Variants in ZFP90 observed in about 807,000 individuals in gnomAD.
ZFP90 encodes the protein ZFP90 zinc finger protein, also known as zinc finger protein 90 homolog.
Under a neutral mutation model 60.8 loss-of-function variants are expected in ZFP90, and 38 were observed. The observed-to-expected ratio is 0.62, with a 90% CI of 0.48 to 0.82. The LOEUF (loss-of-function observed/expected upper bound fraction) is 0.82. Among genes scored for constraint, ZFP90 ranks in the 40% least tolerant of loss-of-function variants. ZFP90 has a pLI of 0.00. For synonymous variants in ZFP90, 287 were observed against 264.8 expected, an observed-to-expected ratio of 1.08 and a Z score of -0.82; for missense variants, 711 against 759.1, an observed-to-expected ratio of 0.94 and a Z score of 0.74.
chr16:68,574,834 G>A (rs532827596), intron 2 of ZFP90, among the ~76,000 whole-genome samples: 7 of 149,586 alleles, frequency 4.7e-5, no homozygotes, highest in Non-Finnish European at 1.0e-4. Context: ...TGAGCCTGGA[G>A]AATTGCTTGA....
downstream of ZFP90, among the ~76,000 whole-genome samples, chr16:68,571,257 C>T (rs1167056187): frequency 6.6e-6 from 1 of 152,138 alleles, no homozygotes. Context: ...ATTTTAGAGG[C>T]ATTCCCAGAC....
intron 2 of ZFP90, among the ~76,000 whole-genome samples, chr16:68,575,263 C>T (rs1239379982): frequency 6.6e-6 from 1 of 152,210 alleles, no homozygotes; most frequent in Non-Finnish European, 1.5e-5. Context: ...GTGGCTGGGA[C>T]AGGCGTGCCT....
chr16:68,554,783 C>T (rs1386070518), intron 2 of ZFP90, among the ~76,000 whole-genome samples: 1 of 152,082 alleles, frequency 6.6e-6, no homozygotes, highest in Admixed American at 6.6e-5. Flanking sequence ...GAGACCCCAT[C>T]TCTATTAAAC....
At chr16:68,535,989 C>G (rs1028247490), upstream of ZFP90, among the ~76,000 whole-genome samples, 1 of 152,156 alleles carries the variant, frequency 6.6e-6, no homozygotes. Flanking sequence ...TGGGTGTGAG[C>G]TGAAGTTCTC....
At position 68,560,181 on chromosome 16, in the gene ZFP90, T is replaced by C. The variant is rs111343281; in HGVS notation, c.256+1613T>C. On this transcript the variant is annotated intron_variant, in intron 4 of 4. Coordinates refer to ENST00000563169, the MANE Select transcript of ZFP90 (RefSeq NM_001305203.2). ...CCCTTTAGAGCATAGAGGTCAGTGG[T>C]TTTTTCATATATTCAGATAGTTGTA... Among the ~76,000 whole-genome samples the C allele has an allele frequency of 5.1e-3, 775 of 152,200 alleles. 4 individuals are homozygous for C. Among genetic ancestry groups the C allele is most frequent in the African/African-American group, 0.018 (732 of 41,508 alleles).
chr16:68,573,789 CAAGA>C (rs898238572), intron 2 of ZFP90: 2 of 152,238 alleles, frequency 1.3e-5, no homozygotes, highest in African/African-American at 4.8e-5. Context: ...ACACACATGT[CAAGA>C]GAGCACCTCC....
intron 2 of ZFP90, among the ~76,000 whole-genome samples, chr16:68,574,952 A>T (rs1379450688): frequency 7.1e-6 from 1 of 140,374 alleles, no homozygotes; most frequent in Non-Finnish European, 1.6e-5. Context: ...AGTGGAAAAA[A>T]AAAGAGACAC....
At chr16:68,572,032 CTT>C (rs963602023), downstream of ZFP90, among the ~76,000 whole-genome samples, 1 of 151,268 alleles carries the variant, frequency 6.6e-6, no homozygotes, top group African/African-American at 2.4e-5. Flanking sequence ...TTAACAAACA[CTT>C]TTTTTTTGAG....
chr16:68,543,330 ATAT>A (rs2030356885), intron 2 of ZFP90, among the ~76,000 whole-genome samples: 1 of 152,116 alleles, frequency 6.6e-6, no homozygotes, highest in Non-Finnish European at 1.5e-5. Context: ...AAAAAGTTTG[ATAT>A]TATATTTGAT....
At chr16:68,560,769 G>A (rs1194442233) in intron 4 of ZFP90, among the ~76,000 whole-genome samples, 2 of 151,706 alleles carry the variant, frequency 1.3e-5, no homozygotes. Flanking sequence ...AACTGCTATT[G>A]GCCAGCCTGG....
exon 3 of ZFP90, chr16:68,575,891 G>A (rs576926282): frequency 5.0e-6 from 2 of 398,348 alleles, no homozygotes; most frequent in African/African-American, 4.1e-5. Context: ...AGCAAGAATG[G>A]CTAAGTAAGG....
chr16:68,557,259 C>A (rs757418136), intron 2 of ZFP90: 2 of 455,966 alleles, frequency 4.4e-6, no homozygotes, highest in Middle Eastern at 6.5e-4. Flanking sequence ...AGCGTTCTGC[C>A]GGCCTTGACC....
upstream of ZFP90, among the ~76,000 whole-genome samples, chr16:68,537,956 A>G (rs1223826076): frequency 2.6e-5 from 4 of 151,682 alleles, no homozygotes; most frequent in South Asian, 6.2e-4. Flanking sequence ...GTTGTTGCCC[A>G]GGTTGGAGTG....
chr16:68,535,134 A>G (rs2090951219), upstream of ZFP90, among the ~76,000 whole-genome samples: 1 of 152,128 alleles, frequency 6.6e-6, no homozygotes, highest in African/African-American at 2.4e-5. Context: ...GACTGAAGGT[A>G]AGTTCTCCCA....
At position 68,575,038 on chromosome 16, in the gene ZFP90, C is replaced by A. The variant is rs116509257; in HGVS notation, c.224-753C>A. ...AACTATCACCCCAGATGAAGACACC[C>A]TCAGGAAAATGTTGAACTGGGGAAA... On this transcript the variant is annotated intron_variant, in intron 2 of 2. Coordinates refer to the ZFP90 transcript ENST00000573113. Among the ~76,000 whole-genome samples, 774 of 152,192 alleles carry A rather than the reference C, an allele frequency of 5.1e-3. 3 individuals are homozygous for A. Among genetic ancestry groups the A allele is most frequent in the African/African-American group, 0.017 (702 of 41,512 alleles).
chr16:68,564,737 A>C lies in ZFP90; in HGVS notation c.*39A>C. On this transcript the variant is annotated 3_prime_UTR_variant, in exon 5 of 5. Coordinates refer to ENST00000563169, the MANE Select transcript of ZFP90 (RefSeq NM_001305203.2). ...AAGGAATTTGCAGAATGCTTTAGCTAAAATGTTCTGATTCAGGATCAGAGG... is the reference window on the plus strand; with the variant it reads ...AAGGAATTTGCAGAATGCTTTAGCTCAAATGTTCTGATTCAGGATCAGAGG... The C allele has an allele frequency of 6.4e-7, 1 of 1,556,324 alleles. No individual in the cohort carries two copies. The highest frequency in any genetic ancestry group is 2.2e-5 in the East Asian group (1 of 44,460).
intron 2 of ZFP90, among the ~76,000 whole-genome samples, chr16:68,573,084 A>G (rs2091576183): frequency 6.6e-6 from 1 of 152,158 alleles, no homozygotes; most frequent in Admixed American, 6.5e-5. Flanking sequence ...AATGAAGGGG[A>G]AGCTAATCAG....
chr16:68,569,190 G>A (rs1370209351), downstream of ZFP90, among the ~76,000 whole-genome samples: 1 of 146,804 alleles, frequency 6.8e-6, no homozygotes, highest in Admixed American at 6.9e-5. Flanking sequence ...AAGCTGGAGT[G>A]CAGTGGCATG....
intron 2 of ZFP90, among the ~76,000 whole-genome samples, chr16:68,556,179 A>C (rs976804519): frequency 6.6e-6 from 1 of 152,108 alleles, no homozygotes; most frequent in Admixed American, 6.5e-5. Flanking sequence ...CCAAAAAAAA[A>C]GCCTAACCAA....
Sources: allele counts gnomAD v4.1 joint callset (sites outside exome capture counted in the v4.1 genomes callset), GRCh38; gene constraint gnomAD v4.1.1; transcripts MANE v1.5; gene names NCBI Gene and HGNC (gene_info 2026-07-23, HGNC 2026-07-21).